The following WRN variants were observed in gnomAD, a reference collection of about 807,000 sequenced individuals.
WRN encodes WRN RecQ like helicase.
Under a neutral mutation model 180.7 loss-of-function variants are expected in WRN, and 149 were observed. The ratio of observed to expected loss-of-function variants is 0.82; its 90% CI spans 0.72 to 0.94. WRN has a LOEUF of 0.94. Among genes scored for constraint, WRN ranks in the 40% least tolerant of loss-of-function variants. The pLI is 0.00. For synonymous variants in WRN, 548 were observed against 568.9 expected (o/e 0.96, Z 0.52); for missense variants, 1,661 against 1,700.1 (o/e 0.98, Z 0.40).
chr8:31,149,206 G>T (rs1802993235), intron 30 of WRN, among the ~76,000 whole-genome samples: 1 of 151,826 alleles, frequency 6.6e-6, no homozygotes, highest in Non-Finnish European at 1.5e-5. Context: ...GGCCATCCTG[G>T]CTAACACGGT....
At chr8:31,093,834 A>G (rs1319267025) in intron 16 of WRN, among the ~76,000 whole-genome samples, 2 of 152,204 alleles carry the variant, frequency 1.3e-5, no homozygotes, top group Non-Finnish European at 2.9e-5. Context: ...CTAAACTTAT[A>G]TACATGGAGT....
intron 3 of WRN, among the ~76,000 whole-genome samples, chr8:31,060,034 C>T (rs11574185): frequency 1.4e-3 from 211 of 150,956 alleles, no homozygotes; most frequent in African/African-American, 4.9e-3. Flanking sequence ...CCAGCCTGGG[C>T]GACAGAGTGA....
At chr8:31,158,912 A>T (rs1803495748) in intron 33 of WRN, among the ~76,000 whole-genome samples, 1 of 152,170 alleles carries the variant, frequency 6.6e-6, no homozygotes, top group African/African-American at 2.4e-5. Flanking sequence ...TAACCTATTT[A>T]TAAGTTATGT....
chr8:31,070,835 A>G (rs1246558970), intron 7 of WRN, among the ~76,000 whole-genome samples: 1 of 152,162 alleles, frequency 6.6e-6, no homozygotes. Context: ...ACCTGAGGTC[A>G]GGAGTTTGAG....
At chr8:31,091,127 A>C (rs1813733843) in intron 15 of WRN, among the ~76,000 whole-genome samples, 185 bp downstream of exon 15, 2 of 152,132 alleles carry the variant, frequency 1.3e-5, no homozygotes, top group South Asian at 4.1e-4. Context: ...TGTTCTCTGT[A>C]ATTCAAAGCT....
rs3213202 is a variant in WRN at position 31,132,174 on chromosome 8, C to T, written c.2826-191C>T. Among the ~76,000 whole-genome samples the T allele has an allele frequency of 0.26, 40,049 of 151,794 alleles. 5,706 individuals are homozygous for T. Among genetic ancestry groups the T allele is most frequent in the South Asian group, 0.34 (1,627 of 4,802 alleles). ...AACCATCAGCGTAACATATCTGTTA[C>T]GCTACAATAGTTTATTTTCATATTT... On this transcript the variant is annotated intron_variant, in intron 23 of 34. Transcript: ENST00000298139.
chr8:31,168,652 C>T (rs1372677538), intron 34 of WRN, among the ~76,000 whole-genome samples: 1 of 152,090 alleles, frequency 6.6e-6, no homozygotes. Context: ...AGTAAGTCAT[C>T]CAAAGCATAT....
At chr8:31,117,780 T>A (rs766146152) in intron 20 of WRN, among the ~76,000 whole-genome samples, 1 of 152,186 alleles carries the variant, frequency 6.6e-6, no homozygotes. Flanking sequence ...TCACTACACA[T>A]AGTCATGCTG....
intron 34 of WRN, among the ~76,000 whole-genome samples, chr8:31,168,462 A>G (rs1803982450): frequency 6.9e-6 from 1 of 145,438 alleles, no homozygotes; most frequent in African/African-American, 2.6e-5. Flanking sequence ...TATTTCAGTA[A>G]CATTTTTCGC....
intron 9 of WRN, among the ~76,000 whole-genome samples, chr8:31,082,622 A>G (rs2130127917): frequency 6.6e-6 from 1 of 151,216 alleles, no homozygotes; most frequent in East Asian, 1.9e-4. Flanking sequence ...TTTGAGATGG[A>G]ATCTATCTCT....
rs754522897 is a variant in WRN, at chr8:31,033,871, T to G, written c.-179T>G. 1 of 152,570 alleles carries G rather than the reference T, an allele frequency of 6.6e-6. No individual in the cohort carries two copies. Among genetic ancestry groups the G allele is most frequent in the Non-Finnish European group, 1.5e-5 (1 of 68,246 alleles). The allele number at this position is 152,570 out of a possible 1,614,324, so 9.5% of individuals were successfully genotyped here. On this transcript the variant is annotated 5_prime_UTR_variant, in exon 1 of 35. Transcript: ENST00000298139. ...TCGGCAGCGCGGGAATAAAGTTTGC[T>G]GATTTGGTGTCTAGCCTGGATGCCT...
Position 31,131,019 on chromosome 8 carries a change from TAAAAAA to T in WRN, c.2826-1344_2826-1339del, listed in dbSNP as rs142247690. On this transcript the variant is annotated intron_variant, in intron 23 of 34. Transcript: ENST00000298139. ...CTAAACATATTATTGGCCATTTAGT[TAAAAAA>T]AGAAAGAAAAGAAAAGCAATATGCT... 4.7e-3 allele frequency among the ~76,000 whole-genome samples: 713 copies of T among 152,050 alleles called. 29 individuals are homozygous for T. The East Asian group carries it at 0.093, about 20-fold the overall frequency.
At chr8:31,132,298 A>T in intron 23 of WRN, 67 bp from the exon 24 acceptor site, 1 of 1,556,510 alleles carries the variant, frequency 6.4e-7, no homozygotes. Context: ...TGTTATGCTA[A>T]ATCTTTTGAT....
In WRN at chr8:31,174,815, TCCTTCCTCCCTC is replaced by T. The variant is rs1478243515; in HGVS notation, c.*1717_*1728del. On this transcript the variant is annotated 3_prime_UTR_variant, in exon 35 of 35. Transcript: ENST00000298139. ...CCTTCCCCTTCCTTCCTTCCTTCCT[TCCTTCCTCCCTC>T]CCTCCCTCCCTCCCTCCCTCCCTCC... 1.4e-4 allele frequency among the ~76,000 whole-genome samples: 14 copies of T among 96,564 alleles called. No individual in the cohort carries two copies. The highest frequency in any genetic ancestry group is 1.4e-3 in the East Asian group (4 of 2,932). The allele number at this position is 96,564 out of a possible 152,430, so 63.3% of individuals were successfully genotyped here.
At chr8:31,080,524 G>GTTT (rs760769903) in intron 8 of WRN, among the ~76,000 whole-genome samples, 1 of 130,844 alleles carries the variant, frequency 7.6e-6, no homozygotes. Context: ...ATGAAATAGG[G>GTTT]TTTTTTTTTT....
chr8:31,052,538 C>T (rs923070173), intron 1 of WRN, among the ~76,000 whole-genome samples: 1 of 152,076 alleles, frequency 6.6e-6, no homozygotes, highest in Non-Finnish European at 1.5e-5. Context: ...CAGGCGTGCA[C>T]CACCATGTCC....
At chr8:31,125,030 C>A (rs1487569807) in intron 23 of WRN, 30 bp downstream of exon 23, 3 of 1,580,944 alleles carry the variant, frequency 1.9e-6, no homozygotes, top group South Asian at 2.3e-5. Context: ...GATGGACATT[C>A]TAAAAGTCTT....
At chr8:31,083,577 A>G (rs1412252286) in intron 9 of WRN, 122 bp from the exon 10 acceptor site, 1 of 603,848 alleles carries the variant, frequency 1.7e-6, no homozygotes, top group African/African-American at 1.8e-5. Context: ...AATATATATT[A>G]TATATCCATT....
chr8:31,066,600 AT>A lies in WRN; in HGVS notation c.505-420del, dbSNP rs1249867912. Among the ~76,000 whole-genome samples, 130 of 146,158 alleles carry A rather than the reference AT, an allele frequency of 8.9e-4. 1 individual carries two copies. The highest frequency in any genetic ancestry group is 3.5e-3 in the Middle Eastern group (1 of 282). On this transcript the variant is annotated intron_variant, in intron 5 of 34. Coordinates refer to ENST00000298139, the MANE Select transcript of WRN (RefSeq NM_000553.6). ...ATGTATACCAGTAACTTAAAAAAAAATTTTTTTTTTTTTAAGGGAGAGCATA... is the reference window on the plus strand; with the variant it reads ...ATGTATACCAGTAACTTAAAAAAAAATTTTTTTTTTTTAAGGGAGAGCATA...
Sources: allele counts gnomAD v4.1 joint callset (sites outside exome capture counted in the v4.1 genomes callset), GRCh38; gene constraint gnomAD v4.1.1; transcripts MANE v1.5; gene names NCBI Gene and HGNC (gene_info 2026-07-23, HGNC 2026-07-21).